VILL: variants seen among roughly 807,000 people sequenced by gnomAD.
The protein encoded by VILL is villin-like protein.
A neutral mutation model predicts 106.3 loss-of-function variants in VILL; 102 were observed. The ratio of observed to expected loss-of-function variants is 0.96; its 90% CI spans 0.82 to 1.13. The LOEUF is 1.13. Among genes scored for constraint, VILL ranks in the 50% most tolerant of loss-of-function variants. The pLI, the probability that VILL is intolerant of heterozygous loss-of-function variation, is 0.00. For missense variants in VILL, 1,076 were observed against 1,116.6 expected, an observed-to-expected ratio of 0.96 and a Z score of 0.52; for synonymous variants, 431 against 440.3, an observed-to-expected ratio of 0.98 and a Z score of 0.27.
Position 38,002,368 on chromosome 3 carries a change from C to A in VILL, c.1480-28C>A, listed in dbSNP as rs752411925. On this transcript the variant is annotated intron_variant, in intron 13 of 19. Coordinates refer to ENST00000383759, the MANE Select transcript of VILL (RefSeq NM_015873.4). ...AGGAAGGCGCCCCTGGGAGCCCTTG[C>A]CCAGCCTGAGGCCTTGCTCTCCTAT... The A allele has an allele frequency of 1.1e-4, 176 of 1,568,110 alleles. 3 individuals carry two copies. In the South Asian group the frequency reaches 2.0e-3, roughly 18 times the overall value.
In VILL at chr3:37,998,410, G is replaced by C. The variant is rs776427102; in HGVS notation, c.942+46G>C. ...TGAGAGGAACAGAGCACTGCCCTGG[G>C]GTCTGAGTGGGGAGGCAGCTCCGCC... On this transcript the variant is annotated intron_variant, in intron 9 of 19. Transcript: ENST00000383759. This position sits in a 1 kb window ranked among gnomAD's most constrained non-coding sequence, Gnocchi z 4.1. 33 of 1,580,402 alleles carry C rather than the reference G, an allele frequency of 2.1e-5. No individual in the cohort carries two copies. The highest frequency in any genetic ancestry group is 2.4e-5 in the Non-Finnish European group (28 of 1,150,906).
At chr3:37,996,034 G>A (rs757797481) in intron 5 of VILL, among the ~76,000 whole-genome samples, 187 bp downstream of exon 5, 17 of 152,104 alleles carry the variant, frequency 1.1e-4, no homozygotes, top group Non-Finnish European at 2.1e-4. Context: ...ACTGCTCCCC[G>A]GACCTTTTGT....
At chr3:38,003,981 C>T in intron 15 of VILL, 1 of 357,678 alleles carries the variant, frequency 2.8e-6, no homozygotes, top group Non-Finnish European at 5.1e-6. Flanking sequence ...GACTCCAGCT[C>T]AGGCCCTCCC....
At chr3:38,006,358 G>A (rs1699923337) in intron 18 of VILL, 91 bp from the exon 19 acceptor site, 1 of 1,600,878 alleles carries the variant, frequency 6.2e-7, no homozygotes, top group Non-Finnish European at 8.5e-7. Flanking sequence ...AGGGGCTGCA[G>A]TTGGAGGTAA....
In VILL at chr3:38,000,786, C is replaced by A. The variant is rs369343583; in HGVS notation, c.1183-670C>A. The A allele has an allele frequency of 7.7e-5, 33 of 431,356 alleles. No individual in the cohort carries two copies. In the East Asian group the frequency reaches 1.6e-3, roughly 21 times the overall value. 26.7% of individuals were successfully genotyped at this position (431,356 alleles called of 1,614,324 possible). ...CTGGAGGTCGGCTCCCCAGGGACAA[C>A]TGTCAGGGTCAGTGTGGGAAAGGAC... On this transcript the variant is annotated intron_variant, in intron 11 of 19. Coordinates refer to ENST00000383759, the MANE Select transcript of VILL (RefSeq NM_015873.4).
chr3:37,996,852 T>C (rs1559656133), intron 5 of VILL, among the ~76,000 whole-genome samples: 1 of 152,148 alleles, frequency 6.6e-6, no homozygotes, highest in African/African-American at 2.4e-5. Flanking sequence ...ACACCCCACC[T>C]GTATACATGT....
chr3:38,000,319 G>A (rs867439221), intron 11 of VILL, among the ~76,000 whole-genome samples: 1 of 152,094 alleles, frequency 6.6e-6, no homozygotes, highest in African/African-American at 2.4e-5. Context: ...GGGGAAGAAG[G>A]GGGAGACAGG....
At chr3:38,001,043 T>C (rs1699804231) in intron 11 of VILL, 1 of 467,440 alleles carries the variant, frequency 2.1e-6, no homozygotes, top group Admixed American at 2.3e-5. Context: ...AGGCTTTGTG[T>C]TTTCTAAATG....
chr3:38,004,080 G>T (rs890688965), intron 15 of VILL, 175 bp from the exon 16 acceptor site: 3 of 744,406 alleles, frequency 4.0e-6, no homozygotes, highest in Non-Finnish European at 4.1e-6. Flanking sequence ...GAGCAGAGAG[G>T]GACCCTGTAC....
chr3:37,988,596 C>T (rs1295697159), upstream of VILL, among the ~76,000 whole-genome samples: 1 of 152,350 alleles, frequency 6.6e-6, no homozygotes, highest in Admixed American at 6.5e-5. Context: ...GGCGTGGTGG[C>T]TTACGCCTGT....
At chr3:38,006,900 A>C (rs758418822) in intron 19 of VILL, 42 bp from the exon 20 acceptor site, 6 of 1,574,668 alleles carry the variant, frequency 3.8e-6, no homozygotes, top group Middle Eastern at 1.7e-4. Context: ...CTGGGCTCAG[A>C]TGACACCCTA....
upstream of VILL, among the ~76,000 whole-genome samples, chr3:37,990,471 C>A (rs889355242): frequency 6.6e-6 from 1 of 152,160 alleles, no homozygotes; most frequent in Admixed American, 6.5e-5. This position sits in a 1 kb window ranked among gnomAD's most constrained non-coding sequence, Gnocchi z 5.1. Context: ...GATCAGGGGC[C>A]CATCTAGTAC....
At chr3:37,994,488 G>A in intron 4 of VILL, 22 bp downstream of exon 4, 2 of 1,601,444 alleles carry the variant, frequency 1.2e-6, no homozygotes, top group Non-Finnish European at 1.7e-6. Context: ...GGCGACCGGG[G>A]CAGGAGGGAG....
upstream of VILL, among the ~76,000 whole-genome samples, chr3:37,988,533 T>C (rs1575331296): frequency 6.6e-6 from 1 of 152,166 alleles, no homozygotes; most frequent in South Asian, 2.1e-4. Flanking sequence ...TGCACAACAA[T>C]ATGAGTGTCC....
At chr3:38,002,959 G>A (rs896760464) in intron 14 of VILL, 5 of 624,142 alleles carry the variant, frequency 8.0e-6, no homozygotes, top group Non-Finnish European at 1.3e-5. Flanking sequence ...TCTGGACCCT[G>A]CGAGGGTCCC....
In VILL at chr3:37,997,801, T is replaced by A; in HGVS notation, c.764+116T>A. ...CCTCCAGCAAAGGCTGCTGGGTTTC[T>A]GGGACAGGTCATGTGGACCGTGGGT... On this transcript the variant is annotated intron_variant, in intron 7 of 19. Coordinates refer to ENST00000383759, the MANE Select transcript of VILL (RefSeq NM_015873.4). This position sits in a 1 kb window ranked among gnomAD's most constrained non-coding sequence, Gnocchi z 4.7. The A allele has an allele frequency of 8.2e-7, 1 of 1,219,668 alleles. No individual in the cohort carries two copies. Among genetic ancestry groups the A allele is most frequent in the Non-Finnish European group, 1.1e-6 (1 of 882,422 alleles). 75.6% of individuals were successfully genotyped at this position (1,219,668 alleles called of 1,614,324 possible).
intron 15 of VILL, chr3:38,003,534 G>A (rs187695207): frequency 1.7e-6 from 1 of 577,054 alleles, no homozygotes. Flanking sequence ...GGGGGCAGTG[G>A]CGACCTCTGC....
rs1185071240 is a variant in VILL, at chr3:37,994,250, C to T, written c.136-11C>T. On this transcript the variant is annotated splice_polypyrimidine_tract_variant and intron_variant, in intron 3 of 19. Transcript: ENST00000383759. Reference sequence around the variant, plus strand: ...CCCCGCAACACATATACACAAACACCCGGACCCTAGGTCCCCCAGAGCCCG... The same window carrying T: ...CCCCGCAACACATATACACAAACACTCGGACCCTAGGTCCCCCAGAGCCCG... The T allele has an allele frequency of 6.3e-7, 1 of 1,599,310 alleles. No individual in the cohort carries two copies. Among genetic ancestry groups the T allele is most frequent in the Non-Finnish European group, 8.5e-7 (1 of 1,175,868 alleles).
Position 37,997,031 on chromosome 3 carries a change from G to C in VILL, c.451-46G>C. The C allele has an allele frequency of 6.4e-7, 1 of 1,558,726 alleles. No homozygotes were observed. The highest frequency in any genetic ancestry group is 8.8e-7 in the Non-Finnish European group (1 of 1,130,648). Reference sequence around the variant, plus strand: ...CATCCCAGCTATGCTCCCCTCTAGCGGATGCTGGTGGTATGACACTCTGTC... The same window carrying C: ...CATCCCAGCTATGCTCCCCTCTAGCCGATGCTGGTGGTATGACACTCTGTC... On this transcript the variant is annotated intron_variant, in intron 5 of 19. Transcript: ENST00000383759. The surrounding 1 kb of genome is among the most constrained non-coding windows in gnomAD (Gnocchi z 4.7).
Sources: gnomAD v4.1 joint callset for allele counts (sites outside exome capture counted in the v4.1 genomes callset) on GRCh38, gnomAD v4.1.1 for gene constraint, Gnocchi (gnomAD v3.1) non-coding constraint, MANE v1.5 for transcripts, NCBI Gene and HGNC (gene_info 2026-07-23, HGNC 2026-07-21) for gene names.